DLGAP2: variants seen among roughly 807,000 people sequenced by gnomAD.
DLGAP2 encodes DLG associated protein 2.
DLGAP2 carries 26 observed loss-of-function variants against 100.3 expected under a neutral mutation model. The ratio of observed to expected loss-of-function variants is 0.26; its 90% CI spans 0.19 to 0.36. The LOEUF (loss-of-function observed/expected upper bound fraction) is 0.36, where lower values mean the gene tolerates loss of function less well. DLGAP2 is among the 10% of genes least tolerant of loss of function. The pLI, the probability that DLGAP2 is intolerant of heterozygous loss-of-function variation, is 1.00. For synonymous variants in DLGAP2, 886 were observed against 630.1 expected, an observed-to-expected ratio of 1.41 and a Z score of -6.08; for missense variants, 1,858 against 1,453.2, an observed-to-expected ratio of 1.28 and a Z score of -4.53.
chr8:1,598,263 T>C (rs1206592855), intron 6 of DLGAP2, among the ~76,000 whole-genome samples: 1 of 152,240 alleles, frequency 6.6e-6, no homozygotes, highest in African/African-American at 2.4e-5. Context: ...GTATTCAGTT[T>C]GCCAGTATTT....
intron 6 of DLGAP2, among the ~76,000 whole-genome samples, chr8:1,598,876 C>T (rs1356423776): frequency 1.3e-5 from 2 of 152,108 alleles, no homozygotes; most frequent in Non-Finnish European, 2.9e-5. Flanking sequence ...TTCAGTTCTT[C>T]TCTAATCTGA....
At chr8:1,652,873 C>T (rs935825717) in intron 8 of DLGAP2, among the ~76,000 whole-genome samples, 1 of 152,142 alleles carries the variant, frequency 6.6e-6, no homozygotes, top group African/African-American at 2.4e-5. Context: ...TATGTATCAT[C>T]CCATCAGCGT....
At chr8:829,768 A>G (rs1256590254) in intron 1 of DLGAP2, among the ~76,000 whole-genome samples, 1 of 152,236 alleles carries the variant, frequency 6.6e-6, no homozygotes, top group African/African-American at 2.4e-5. Context: ...ATATAGGTTC[A>G]TAATTTATAT....
chr8:1,517,868 A>G (rs1191617647), intron 4 of DLGAP2, among the ~76,000 whole-genome samples: 2 of 152,202 alleles, frequency 1.3e-5, no homozygotes. Context: ...AGGGTCATGG[A>G]ATAAGACAGA....
chr8:1,469,317 C>G (rs189367557), intron 3 of DLGAP2, among the ~76,000 whole-genome samples: 10 of 152,350 alleles, frequency 6.6e-5, no homozygotes, highest in African/African-American at 2.2e-4. Flanking sequence ...CTGAGCTGCT[C>G]CCTGCCCAGC....
At chr8:1,448,051 T>G (rs965807010) in intron 3 of DLGAP2, among the ~76,000 whole-genome samples, 3 of 152,210 alleles carry the variant, frequency 2.0e-5, no homozygotes, top group Non-Finnish European at 2.9e-5. Context: ...CTGGATTCAT[T>G]AATTTTTTGA....
chr8:1,013,543 C>G (rs142335770), intron 2 of DLGAP2, among the ~76,000 whole-genome samples: 2 of 152,038 alleles, frequency 1.3e-5, no homozygotes, highest in Admixed American at 1.3e-4. Flanking sequence ...ATGATGTTGC[C>G]GCAGAGGTCT....
chr8:1,156,622 C>CTCCAGCCCAGCGT (rs1261160581), intron 2 of DLGAP2, among the ~76,000 whole-genome samples: 24 of 151,570 alleles, frequency 1.6e-4, no homozygotes, highest in African/African-American at 5.8e-4. Context: ...CAGCCCAGCG[C>CTCCAGCCCAGCGT]CCCAGCCCAG....
intron 3 of DLGAP2, among the ~76,000 whole-genome samples, chr8:1,420,489 C>T (rs1424876230): frequency 6.6e-6 from 1 of 152,192 alleles, no homozygotes; most frequent in African/African-American, 2.4e-5. Context: ...CATCCTATAG[C>T]AAATTTCCTA....
At chr8:1,660,918 C>T (rs184565537) in intron 8 of DLGAP2, among the ~76,000 whole-genome samples, 5 of 152,284 alleles carry the variant, frequency 3.3e-5, no homozygotes, top group South Asian at 2.1e-4. Flanking sequence ...GAAGAATACA[C>T]GGCACCGTGA....
At chr8:911,608 G>T (rs1798486341) in intron 2 of DLGAP2, among the ~76,000 whole-genome samples, 1 of 151,822 alleles carries the variant, frequency 6.6e-6, no homozygotes, top group Non-Finnish European at 1.5e-5. Context: ...GGATGCTGGA[G>T]AATGTTGGAA....
chr8:1,138,843 G>C (rs559281279), intron 2 of DLGAP2, among the ~76,000 whole-genome samples: 1 of 151,872 alleles, frequency 6.6e-6, no homozygotes, highest in African/African-American at 2.4e-5. Flanking sequence ...TGGCCTGTGC[G>C]GCTGGTGGGA....
chr8:1,691,185 C>G (rs148319275), intron 12 of DLGAP2, among the ~76,000 whole-genome samples: 2,814 of 152,326 alleles, frequency 0.018, 35 homozygotes, highest in Non-Finnish European at 0.026. Flanking sequence ...GTTGCTTTCA[C>G]TCACACGTGT....
At chr8:882,391 CCTCT>C (rs1311409875) in intron 1 of DLGAP2, among the ~76,000 whole-genome samples, 29 of 147,990 alleles carry the variant, frequency 2.0e-4, no homozygotes, top group African/African-American at 4.8e-4. Flanking sequence ...TCCAGCGGTA[CCTCT>C]CCCTGCGGAG....
chr8:1,479,697 G>T (rs17754991), intron 3 of DLGAP2, among the ~76,000 whole-genome samples: 1 of 152,192 alleles, frequency 6.6e-6, no homozygotes, highest in Admixed American at 6.5e-5. Flanking sequence ...TTGGCCAACC[G>T]TAAGATGAAG....
chr8:1,472,235 AG>A (rs939541727), intron 3 of DLGAP2, among the ~76,000 whole-genome samples: 3 of 151,832 alleles, frequency 2.0e-5, no homozygotes, highest in African/African-American at 7.3e-5. Flanking sequence ...TTGGGAGGGG[AG>A]GGGGGTTGAG....
At chr8:1,468,299 C>T (rs1203819694) in intron 3 of DLGAP2, among the ~76,000 whole-genome samples, 1 of 151,898 alleles carries the variant, frequency 6.6e-6, no homozygotes, top group African/African-American at 2.4e-5. Context: ...CCCCAGCAGC[C>T]TCGGTCCATT....
chr8:1,488,868 G>A lies in DLGAP2; in HGVS notation c.107-12498G>A, dbSNP rs151092548. 3.3e-3 allele frequency among the ~76,000 whole-genome samples: 505 copies of A among 152,252 alleles called. 5 individuals are homozygous for A. The highest frequency in any genetic ancestry group is 0.011 in the African/African-American group (476 of 41,540). On this transcript the variant is annotated intron_variant, in intron 3 of 14. Transcript: ENST00000637795. ...GTCCTGCAGATAGTGGGGCATGCAGGGGGCATCAAAGGGGACCTGGATTCA... is the reference window on the plus strand; with the variant it reads ...GTCCTGCAGATAGTGGGGCATGCAGAGGGCATCAAAGGGGACCTGGATTCA...
chr8:880,537 C>T (rs1197375864), intron 1 of DLGAP2, among the ~76,000 whole-genome samples: 3 of 150,108 alleles, frequency 2.0e-5, no homozygotes, highest in African/African-American at 4.9e-5. Context: ...GTCCCCTCTC[C>T]AGCCCTTGCC....
Sources: allele counts gnomAD v4.1 joint callset (sites outside exome capture counted in the v4.1 genomes callset), GRCh38; gene constraint gnomAD v4.1.1; transcripts MANE v1.5; gene names NCBI Gene and HGNC (gene_info 2026-07-23, HGNC 2026-07-21).